The following ESRRG variants were observed in gnomAD, a reference collection of about 807,000 sequenced individuals.
ESRRG encodes the protein estrogen-related receptor gamma.
Under a neutral mutation model 44.0 loss-of-function variants are expected in ESRRG, and 13 were observed. That is an observed-to-expected ratio of 0.30 (90% CI 0.19 to 0.47). ESRRG has a LOEUF of 0.47. ESRRG is among the 20% of genes least tolerant of loss of function. ESRRG has a pLI of 1.00. For synonymous variants in ESRRG, 215 were observed against 214.6 expected (o/e 1.00, Z -0.02); for missense variants, 395 against 580.6 (o/e 0.68, Z 3.29).
At chr1:216,826,132 T>G (rs2148674445) in intron 2 of ESRRG, among the ~76,000 whole-genome samples, 1 of 149,986 alleles carries the variant, frequency 6.7e-6, no homozygotes, top group Non-Finnish European at 1.5e-5. Flanking sequence ...GAATTTAAAC[T>G]AAGTTCTAAT....
At chr1:216,902,648 G>A (rs2059221189) in intron 2 of ESRRG, among the ~76,000 whole-genome samples, 1 of 152,142 alleles carries the variant, frequency 6.6e-6, no homozygotes, top group African/African-American at 2.4e-5. Context: ...GTTCTGTAGT[G>A]AGCTGGTAAA....
At chr1:217,134,302 A>G (rs1307549412) in intron 1 of ESRRG, among the ~76,000 whole-genome samples, 2 of 152,126 alleles carry the variant, frequency 1.3e-5, no homozygotes, top group African/African-American at 2.4e-5. Context: ...TCTATCCGCA[A>G]AGACCGCCTG....
In ESRRG at chr1:217,009,347, A is replaced by C. The variant is rs73099488; in HGVS notation, c.-105-69674T>G. 3.3e-5 allele frequency among the ~76,000 whole-genome samples: 5 copies of C among 152,324 alleles called. No homozygotes were observed. The East Asian group carries it at 9.7e-4, about 29-fold the overall frequency. ...TGTACATTTTTGCTGAGACTTGCCT[A>C]CAAGGGATGCCACACCTTTAAGGGA... On this transcript the variant is annotated intron_variant, in intron 1 of 7. Coordinates refer to the ESRRG transcript ENST00000359162.
At chr1:216,864,029 T>C (rs964601553) in intron 2 of ESRRG, 1 of 152,176 alleles carries the variant, frequency 6.6e-6, no homozygotes, top group South Asian at 2.1e-4. Context: ...GTGTTAGGAA[T>C]AGAGAAGGAG....
At chr1:217,002,657 C>T (rs887095724) in intron 1 of ESRRG, among the ~76,000 whole-genome samples, 1 of 152,018 alleles carries the variant, frequency 6.6e-6, no homozygotes, top group Non-Finnish European at 1.5e-5. Flanking sequence ...AAGGCTAGGT[C>T]ATAAAAGGCA....
intron 1 of ESRRG, among the ~76,000 whole-genome samples, chr1:217,059,482 G>A (rs1200280933): frequency 6.6e-6 from 1 of 152,070 alleles, no homozygotes; most frequent in Non-Finnish European, 1.5e-5. Flanking sequence ...GCTGATTTCA[G>A]GTCTAGGAGA....
At chr1:216,657,839 G>A (rs1041191732) in intron 2 of ESRRG, among the ~76,000 whole-genome samples, 8 of 152,074 alleles carry the variant, frequency 5.3e-5, no homozygotes, top group Non-Finnish European at 1.5e-5. Context: ...AATGAGGTGG[G>A]GGAGAGGAGG....
chr1:216,540,012 G>A (rs951672592), intron 5 of ESRRG, among the ~76,000 whole-genome samples: 1 of 151,864 alleles, frequency 6.6e-6, no homozygotes, highest in African/African-American at 2.4e-5. Flanking sequence ...ATTTAACCAA[G>A]AAATTTAAAA....
At chr1:217,051,267 T>TTTCC (rs2085984539) in intron 1 of ESRRG, among the ~76,000 whole-genome samples, 1 of 141,582 alleles carries the variant, frequency 7.1e-6, no homozygotes, top group South Asian at 2.3e-4. Context: ...CCTAAGAGGG[T>TTTCC]TTCCCTTTAG....
At chr1:216,903,516 G>C (rs925213400) in intron 2 of ESRRG, among the ~76,000 whole-genome samples, 3 of 151,802 alleles carry the variant, frequency 2.0e-5, no homozygotes, top group African/African-American at 7.3e-5. Flanking sequence ...AGGTGATATG[G>C]TTAGAATCTG....
At chr1:216,597,218 A>G (rs933973972) in intron 3 of ESRRG, among the ~76,000 whole-genome samples, 1 of 152,188 alleles carries the variant, frequency 6.6e-6, no homozygotes, top group Non-Finnish European at 1.5e-5. Context: ...TAGGCATGAG[A>G]CAATACCAGA....
chr1:216,915,501 CT>C (rs1310158307), intron 2 of ESRRG, among the ~76,000 whole-genome samples: 2 of 152,314 alleles, frequency 1.3e-5, no homozygotes, highest in Admixed American at 6.5e-5. Context: ...AAGTTCAACA[CT>C]TTGAACACAA....
At chr1:216,937,465 A>C (rs2064332727) in intron 2 of ESRRG, among the ~76,000 whole-genome samples, 1 of 152,192 alleles carries the variant, frequency 6.6e-6, no homozygotes, top group South Asian at 2.1e-4. Flanking sequence ...TAGTTACTAG[A>C]GCTCTGCCTC....
chr1:217,125,046 C>T (rs1052293237), intron 1 of ESRRG, among the ~76,000 whole-genome samples: 1 of 152,182 alleles, frequency 6.6e-6, no homozygotes, highest in Non-Finnish European at 1.5e-5. Flanking sequence ...TTTCTAAATT[C>T]TCACTCCAGG....
At chr1:216,717,806 GAT>G (rs761225534) in intron 1 of ESRRG, among the ~76,000 whole-genome samples, 1 of 151,754 alleles carries the variant, frequency 6.6e-6, no homozygotes, top group African/African-American at 2.4e-5. Context: ...AAGAGCAAAT[GAT>G]ATGTTTATGT....
chr1:217,132,631 G>A (rs188223540), intron 1 of ESRRG, among the ~76,000 whole-genome samples: 1 of 152,106 alleles, frequency 6.6e-6, no homozygotes, highest in African/African-American at 2.4e-5. Context: ...ATCTAAGGTC[G>A]GTCGTCTAAG....
At chr1:217,041,882 A>G (rs2083919271) in intron 1 of ESRRG, among the ~76,000 whole-genome samples, 1 of 152,206 alleles carries the variant, frequency 6.6e-6, no homozygotes, top group African/African-American at 2.4e-5. Flanking sequence ...GATTCTTTGA[A>G]GGGAATAAGT....
intron 2 of ESRRG, among the ~76,000 whole-genome samples, chr1:216,911,968 A>T (rs2060359296): frequency 1.3e-5 from 2 of 151,320 alleles, no homozygotes; most frequent in Middle Eastern, 3.4e-3. Flanking sequence ...CCAGCTACTC[A>T]GGAGGCTGAG....
At chr1:216,552,298 C>T (rs1208664395) in intron 5 of ESRRG, among the ~76,000 whole-genome samples, 1 of 152,050 alleles carries the variant, frequency 6.6e-6, no homozygotes, top group Admixed American at 6.6e-5. Context: ...ATAGTATACT[C>T]TTTTCTGAAA....
Sources: gnomAD v4.1 joint callset for allele counts (sites outside exome capture counted in the v4.1 genomes callset) on GRCh38, gnomAD v4.1.1 for gene constraint, MANE v1.5 for transcripts, NCBI Gene and HGNC (gene_info 2026-07-23, HGNC 2026-07-21) for gene names.